SAMTOR: variants seen among roughly 807,000 people sequenced by gnomAD.
The protein encoded by SAMTOR is UPF0532 protein C7orf60.
chr7:112,938,647 T>G, the SAMTOR span, among the ~76,000 whole-genome samples: 1 of 152,204 alleles, frequency 6.6e-6, no homozygotes. Flanking sequence ...ATTTCGATAC[T>G]CAGGAGAAGT....
the SAMTOR span, among the ~76,000 whole-genome samples, chr7:112,892,310 A>T: frequency 6.6e-6 from 1 of 152,108 alleles, no homozygotes. Context: ...AAACTCCTCC[A>T]AACTCATATT....
At chr7:112,900,986 C>T in the SAMTOR span, among the ~76,000 whole-genome samples, 1 of 152,126 alleles carries the variant, frequency 6.6e-6, no homozygotes, top group African/African-American at 2.4e-5. Flanking sequence ...ATGGTGATGA[C>T]TTTTTAGACA....
At chr7:112,898,077 C>T in the SAMTOR span, among the ~76,000 whole-genome samples, 2 of 152,218 alleles carry the variant, frequency 1.3e-5, no homozygotes, top group African/African-American at 2.4e-5. Context: ...CAGCACTGGG[C>T]AGAAATCTAC....
At chr7:112,893,084 A>G in the SAMTOR span, among the ~76,000 whole-genome samples, 1 of 152,154 alleles carries the variant, frequency 6.6e-6, no homozygotes, top group Non-Finnish European at 1.5e-5. Flanking sequence ...CATAATTCTT[A>G]AGGGTCCTAG....
At chr7:112,885,831 A>G in the SAMTOR span, among the ~76,000 whole-genome samples, 1,622 of 152,260 alleles carry the variant, frequency 0.011, 30 homozygotes, top group African/African-American at 0.037. Context: ...ATTTTTGGGT[A>G]TCTTTATAGC....
chr7:112,835,364 T>C, the SAMTOR span, among the ~76,000 whole-genome samples: 2 of 152,166 alleles, frequency 1.3e-5, no homozygotes, highest in Non-Finnish European at 1.5e-5. Context: ...TGTTGGTAGA[T>C]AGAAGTGGGC....
chr7:112,849,032 G>C, the SAMTOR span, among the ~76,000 whole-genome samples: 2 of 143,756 alleles, frequency 1.4e-5, no homozygotes, highest in East Asian at 2.0e-4. Flanking sequence ...CTGGGTGACA[G>C]AGCAAGACTC....
chr7:112,865,663 C>CATATAT, the SAMTOR span, among the ~76,000 whole-genome samples: 8 of 131,430 alleles, frequency 6.1e-5, no homozygotes, highest in Non-Finnish European at 1.2e-4. Flanking sequence ...ATATATATTT[C>CATATAT]ATACATACAT....
chr7:112,928,021 G>C, the SAMTOR span, among the ~76,000 whole-genome samples: 1 of 151,714 alleles, frequency 6.6e-6, no homozygotes, highest in Non-Finnish European at 1.5e-5. Context: ...AAATAAATTA[G>C]GAGCTACTAA....
chr7:112,831,635 A>G, the SAMTOR span, among the ~76,000 whole-genome samples: 2 of 152,192 alleles, frequency 1.3e-5, no homozygotes, highest in Admixed American at 1.3e-4. Flanking sequence ...CTGGGCAACA[A>G]GAGCAAAACT....
At chr7:112,925,712 T>C in the SAMTOR span, among the ~76,000 whole-genome samples, 1 of 151,764 alleles carries the variant, frequency 6.6e-6, no homozygotes, top group African/African-American at 2.4e-5. Flanking sequence ...GAGAATCGCT[T>C]GAACCTGGGA....
chr7:112,917,014 G>A, the SAMTOR span, among the ~76,000 whole-genome samples: 1 of 152,186 alleles, frequency 6.6e-6, no homozygotes, highest in South Asian at 2.1e-4. Context: ...CCACCTCTGG[G>A]GGCAGGGCAC....
At chr7:112,897,466 C>T in the SAMTOR span, among the ~76,000 whole-genome samples, 7 of 152,034 alleles carry the variant, frequency 4.6e-5, no homozygotes, top group African/African-American at 1.7e-4. Flanking sequence ...GTGGTCTAAC[C>T]TAACAGCTAC....
chr7:112,849,604 G>A, the SAMTOR span, among the ~76,000 whole-genome samples: 16 of 152,084 alleles, frequency 1.1e-4, no homozygotes, highest in African/African-American at 3.4e-4. Context: ...TCTGTTGCTC[G>A]ACTGCTCTGG....
At chr7:112,864,007 C>T in the SAMTOR span, among the ~76,000 whole-genome samples, 17 of 152,270 alleles carry the variant, frequency 1.1e-4, no homozygotes, top group East Asian at 2.7e-3. Context: ...CCTAAATGCC[C>T]GTCAACAGTA....
At chr7:112,853,917 C>T in the SAMTOR span, among the ~76,000 whole-genome samples, 3 of 152,000 alleles carry the variant, frequency 2.0e-5, no homozygotes, top group African/African-American at 4.8e-5. Context: ...GTTTCTATTT[C>T]GTATCTTTTA....
the SAMTOR span, among the ~76,000 whole-genome samples, chr7:112,923,018 G>A: frequency 2.0e-5 from 3 of 152,292 alleles, no homozygotes; most frequent in East Asian, 3.9e-4. Context: ...TGACAATAGC[G>A]GTTTTGTGGA....
the SAMTOR span, among the ~76,000 whole-genome samples, chr7:112,823,268 A>G: frequency 2.6e-5 from 4 of 152,148 alleles, no homozygotes; most frequent in African/African-American, 7.2e-5. Flanking sequence ...TTATTGATGT[A>G]TAAGTGACAA....
chr7:112,881,606 C>T, the SAMTOR span, among the ~76,000 whole-genome samples: 1 of 152,196 alleles, frequency 6.6e-6, no homozygotes, highest in Non-Finnish European at 1.5e-5. Flanking sequence ...GAGCTACTCA[C>T]TCCGGGTCTC....
Sources: allele counts gnomAD v4.1 joint callset (sites outside exome capture counted in the v4.1 genomes callset), GRCh38; gene constraint gnomAD v4.1.1; transcripts MANE v1.5; gene names NCBI Gene and HGNC (gene_info 2026-07-23, HGNC 2026-07-21).